Variants in EPHB2 observed in about 807,000 individuals in gnomAD.
EPHB2 encodes ephrin type-B receptor 2.
Under a neutral mutation model 96.4 loss-of-function variants are expected in EPHB2, and 18 were observed. The ratio of observed to expected loss-of-function variants is 0.19; its 90% confidence interval spans 0.13 to 0.28. The LOEUF is 0.28. Among genes scored for constraint, EPHB2 ranks in the 10% least tolerant of loss-of-function variants. The pLI is 1.00. For synonymous variants in EPHB2, 506 were observed against 534.1 expected (o/e 0.95, Z 0.72); for missense variants, 989 against 1,355.4 (o/e 0.73, Z 4.25).
intron 3 of EPHB2, among the ~76,000 whole-genome samples, chr1:22,788,760 T>TGG (rs768484744): frequency 1.7e-4 from 25 of 149,874 alleles, no homozygotes; most frequent in Non-Finnish European, 3.1e-4. Context: ...TTTGTTTTTT[T>TGG]TTTTTTTTTT....
intron 5 of EPHB2, among the ~76,000 whole-genome samples, chr1:22,876,094 G>A (rs758137825): frequency 1.3e-5 from 2 of 152,188 alleles, no homozygotes; most frequent in East Asian, 1.9e-4. Context: ...GTGGGAAGCC[G>A]CTGAGGGTCA....
intron 1 of EPHB2, among the ~76,000 whole-genome samples, chr1:22,760,908 A>G (rs1225304496): frequency 6.6e-6 from 1 of 151,954 alleles, no homozygotes; most frequent in African/African-American, 2.4e-5. Context: ...GGAAGATCCC[A>G]TTTTTCCAGA....
At chr1:22,823,697 C>T (rs1645184427) in intron 3 of EPHB2, among the ~76,000 whole-genome samples, 1 of 152,256 alleles carries the variant, frequency 6.6e-6, no homozygotes, top group South Asian at 2.1e-4. Context: ...CAAGTAACTT[C>T]ACCTCTTTCA....
intron 1 of EPHB2, among the ~76,000 whole-genome samples, chr1:22,739,860 T>C (rs1463382946): frequency 6.6e-6 from 1 of 152,200 alleles, no homozygotes; most frequent in Non-Finnish European, 1.5e-5. Flanking sequence ...GAGTGATTCA[T>C]AACCTGACGC....
rs371651342 is a variant in EPHB2, at chr1:22,784,544, G to A, written c.279G>A (p.Ser93=). The change falls in exon 3 of 16, where the codon TCG becomes TCA. Residue 93 remains serine (S), a synonymous_variant. Coordinates refer to ENST00000374630, the MANE Select transcript of EPHB2 (RefSeq NM_017449.5). The surrounding 1 kb of genome is among the most constrained non-coding windows in gnomAD (Gnocchi z 5.1). ...GCATCCACGTGGAGATGAAGTTTTC[G>A]GTGCGTGACTGCAGCAGCATCCCCA... The part of the protein sequence containing the change: ...AHRIHVEMKF[S]VRDCSSIPSV... 5.7e-5 allele frequency: 92 copies of A among 1,613,990 alleles called. No individual in the cohort carries two copies. The highest frequency in any genetic ancestry group is 8.8e-5 in the South Asian group (8 of 91,076).
intron 3 of EPHB2, among the ~76,000 whole-genome samples, chr1:22,800,948 C>T (rs150023418): frequency 7.2e-5 from 11 of 152,330 alleles, no homozygotes; most frequent in African/African-American, 2.4e-4. Flanking sequence ...TTTTGCGCAA[C>T]GCTCCATCCC....
At chr1:22,731,151 A>G (rs994694347) in intron 1 of EPHB2, among the ~76,000 whole-genome samples, 1 of 152,088 alleles carries the variant, frequency 6.6e-6, no homozygotes, top group African/African-American at 2.4e-5. Flanking sequence ...CTTTCTTTCT[A>G]ATGTAAATTG....
intron 3 of EPHB2, among the ~76,000 whole-genome samples, chr1:22,796,388 A>G (rs1341015030): frequency 6.6e-5 from 10 of 152,108 alleles, no homozygotes; most frequent in Admixed American, 6.5e-4. Flanking sequence ...GTCTCTTCCC[A>G]TGGGACCTGG....
At position 22,816,889 on chromosome 1, in the gene EPHB2, C is replaced by T. The variant is rs147562074; in HGVS notation, c.811+31813C>T. Among the ~76,000 whole-genome samples the T allele has an allele frequency of 3.9e-3, 595 of 152,292 alleles. 3 individuals carry two copies. Among genetic ancestry groups the T allele is most frequent in the African/African-American group, 0.014 (564 of 41,558 alleles). ...AGTCCAGGTCTCCTGGCCAGGACGT[C>T]GACCACTAGAGCCCCAGACCATCAT... On this transcript the variant is annotated intron_variant, in intron 3 of 15. Coordinates refer to ENST00000374630, the MANE Select transcript of EPHB2 (RefSeq NM_017449.5).
At chr1:22,912,065 T>G (rs1435313978) in intron 14 of EPHB2, among the ~76,000 whole-genome samples, 2 of 152,114 alleles carry the variant, frequency 1.3e-5, no homozygotes, top group Non-Finnish European at 2.9e-5. Flanking sequence ...AAACTGTGAA[T>G]AACCAGAATA....
intron 3 of EPHB2, among the ~76,000 whole-genome samples, chr1:22,829,964 G>A (rs181102612): frequency 2.7e-4 from 41 of 152,304 alleles, no homozygotes; most frequent in Non-Finnish European, 5.1e-4. Flanking sequence ...TCGAGGCACC[G>A]AGCAGAGGCT....
intron 12 of EPHB2, 76 bp from the exon 13 acceptor site, chr1:22,908,946 C>T (rs1640002304): frequency 1.3e-6 from 2 of 1,591,674 alleles, no homozygotes; most frequent in South Asian, 2.3e-5. Flanking sequence ...TCACAGGGCA[C>T]AGGGTGGGAG....
At chr1:22,794,730 AC>A (rs2148438959) in intron 3 of EPHB2, among the ~76,000 whole-genome samples, 1 of 152,258 alleles carries the variant, frequency 6.6e-6, no homozygotes, top group East Asian at 1.9e-4. Flanking sequence ...TAGGGTTAGA[AC>A]CCAGGGCATC....
chr1:22,754,817 A>AC (rs1644118379), intron 1 of EPHB2, among the ~76,000 whole-genome samples: 1 of 82,110 alleles, frequency 1.2e-5, no homozygotes, highest in African/African-American at 6.6e-5. Context: ...GAGGCAGGGG[A>AC]AGGGAGGTGA....
At position 22,784,589 on chromosome 1, in the gene EPHB2, G is replaced by A. The variant is rs757962602; in HGVS notation, c.324G>A (p.Lys108=). The change falls in exon 3 of 16, where the codon AAG becomes AAA. Residue 108 remains lysine, a synonymous_variant. Transcript: ENST00000374630. This position sits in a 1 kb window ranked among gnomAD's most constrained non-coding sequence, Gnocchi z 5.1. ...TCCCCAGCGTGCCTGGCTCCTGCAA[G>A]GAGACCTTCAACCTCTATTACTATG... is the stretch of plus-strand genomic sequence containing the variant. ...SSIPSVPGSC[K]ETFNLYYYEA... 6.2e-7 allele frequency: 1 copy of A among 1,614,058 alleles called. No individual in the cohort carries two copies. Among genetic ancestry groups the A allele is most frequent in the Non-Finnish European group, 8.5e-7 (1 of 1,180,048 alleles).
chr1:22,882,277 C>T (rs955068623), intron 5 of EPHB2, 82 bp from the exon 6 acceptor site: 9 of 1,592,596 alleles, frequency 5.7e-6, no homozygotes, highest in Non-Finnish European at 6.8e-6. Context: ...AGTGCCCCAC[C>T]TGTCCGAGTA....
intron 3 of EPHB2, among the ~76,000 whole-genome samples, chr1:22,798,084 C>T (rs763373394): frequency 6.6e-6 from 1 of 152,198 alleles, no homozygotes; most frequent in Admixed American, 6.5e-5. Flanking sequence ...GTGGACTCCA[C>T]CAGAGCAGCT....
At chr1:22,735,273 A>G (rs1278720519) in intron 1 of EPHB2, among the ~76,000 whole-genome samples, 1 of 151,920 alleles carries the variant, frequency 6.6e-6, no homozygotes, top group Non-Finnish European at 1.5e-5. Flanking sequence ...CCCCATCTCT[A>G]CTAAATTTTT....
chr1:22,744,799 G>A (rs1462401343), intron 1 of EPHB2, among the ~76,000 whole-genome samples: 1 of 151,700 alleles, frequency 6.6e-6, no homozygotes, highest in African/African-American at 2.4e-5. Flanking sequence ...GCTGCAGTGA[G>A]CTATGATCAT....
Sources: allele counts gnomAD v4.1 joint callset (sites outside exome capture counted in the v4.1 genomes callset), GRCh38; gene constraint gnomAD v4.1.1; non-coding constraint Gnocchi (gnomAD v3.1); transcripts MANE v1.5; gene names NCBI Gene and HGNC (gene_info 2026-07-23, HGNC 2026-07-21).